The following DZIP1L variants were observed in gnomAD, a reference collection of about 807,000 sequenced individuals.
The protein encoded by DZIP1L is DAZ interacting zinc finger protein 1 like.
A neutral mutation model predicts 88.7 loss-of-function variants in DZIP1L; 90 were observed. The ratio of observed to expected loss-of-function variants is 1.02; its 90% CI spans 0.86 to 1.21. The LOEUF (loss-of-function observed/expected upper bound fraction) is 1.21. Among genes scored for constraint, DZIP1L ranks in the 50% most tolerant of loss-of-function variants. The probability of loss-of-function intolerance (pLI) is 0.00; values close to 1 mark genes in which losing one functional copy is unlikely to be tolerated. For synonymous variants in DZIP1L, 363 were observed against 372.1 expected (o/e 0.98, Z 0.28); for missense variants, 932 against 955.8 (o/e 0.98, Z 0.33).
intron 1 of DZIP1L, among the ~76,000 whole-genome samples, chr3:138,104,957 A>C (rs2107853614): frequency 6.6e-6 from 1 of 152,310 alleles, no homozygotes; most frequent in Non-Finnish European, 1.5e-5. Context: ...CTTGTGAAAA[A>C]ATTGTCATTG....
intron 2 of DZIP1L, chr3:138,101,537 T>A: frequency 2.5e-6 from 2 of 795,284 alleles, no homozygotes; most frequent in South Asian, 2.7e-5. Flanking sequence ...GTCTCTATCT[T>A]CTTCACAACC....
In DZIP1L at chr3:138,103,898, T is replaced by C. The variant is rs544148897; in HGVS notation, c.74A>G (p.Lys25Arg). 4 of 1,613,770 alleles carry C rather than the reference T, an allele frequency of 2.5e-6. No homozygotes were observed. The highest frequency in any genetic ancestry group is 2.2e-5 in the South Asian group (2 of 91,086). ...CATGCTATCATGGCGAGGCTGAAAC[T>C]TGAAGGTGGGGAACGTGTAGGCCCC... Reference protein sequence around the residue: ...LFGAYTFPTFKFQPRHDSMDW... With the variant: ...LFGAYTFPTFRFQPRHDSMDW... The change falls in exon 2 of 16, where the codon AAG becomes AGG. Residue 25 changes from lysine to arginine, a missense_variant. Physicochemically the swap from Lys to Arg is conservative, Grantham distance 26. Transcript: ENST00000327532.
At chr3:138,099,076 G>C (rs1022624805) in intron 2 of DZIP1L, among the ~76,000 whole-genome samples, 1 of 152,192 alleles carries the variant, frequency 6.6e-6, no homozygotes, top group African/African-American at 2.4e-5. Flanking sequence ...GGTTAAGGCT[G>C]TGGTGAGCCA....
intron 12 of DZIP1L, chr3:138,069,235 A>T (rs1408006611): frequency 1.9e-6 from 1 of 539,928 alleles, no homozygotes; most frequent in African/African-American, 1.9e-5. Context: ...AATAGTAAAC[A>T]TATTTGCTCT....
intron 11 of DZIP1L, among the ~76,000 whole-genome samples, chr3:138,074,181 G>C (rs1034863304): frequency 6.2e-4 from 94 of 152,230 alleles, no homozygotes; most frequent in African/African-American, 2.1e-3. Context: ...TAGAGACCTA[G>C]GCATCCAAAT....
intron 14 of DZIP1L, 55 bp from the exon 15 acceptor site, chr3:138,064,822 T>C: frequency 6.5e-7 from 1 of 1,529,920 alleles, no homozygotes; most frequent in Non-Finnish European, 8.8e-7. Flanking sequence ...AATGAACATC[T>C]CAGTTTTGTG....
intron 2 of DZIP1L, among the ~76,000 whole-genome samples, chr3:138,099,169 C>G (rs1559856013): frequency 6.6e-6 from 1 of 152,286 alleles, no homozygotes; most frequent in East Asian, 1.9e-4. Context: ...TTGTTCCTTC[C>G]TAGTTTCTGG....
chr3:138,084,292 A>C (rs551320953), intron 7 of DZIP1L, 39 bp from the exon 8 acceptor site: 2 of 1,603,296 alleles, frequency 1.2e-6, no homozygotes, highest in African/African-American at 2.7e-5. Context: ...AAATGTCTGC[A>C]GGGACATCTT....
chr3:138,086,575 G>T (rs1943949807), intron 7 of DZIP1L, among the ~76,000 whole-genome samples: 1 of 152,174 alleles, frequency 6.6e-6, no homozygotes, highest in Non-Finnish European at 1.5e-5. Flanking sequence ...GAGGCCCACA[G>T]CCGCCTGGTT....
chr3:138,114,789 C>A (rs2107876823), intron 1 of DZIP1L, among the ~76,000 whole-genome samples: 1 of 152,296 alleles, frequency 6.6e-6, no homozygotes, highest in South Asian at 2.1e-4. Context: ...CTGAGCAGGT[C>A]TTCGGTGGAC....
chr3:138,084,332 G>A, intron 7 of DZIP1L, 79 bp from the exon 8 acceptor site: 1 of 1,527,662 alleles, frequency 6.5e-7, no homozygotes, highest in Non-Finnish European at 8.8e-7. Flanking sequence ...CTCAGCACCT[G>A]TAGGCAAGTG....
rs146029706 is a variant in DZIP1L, at chr3:138,062,887, G to T, written c.2233C>A (p.Arg745Ser). The T allele has an allele frequency of 8.1e-6, 13 of 1,614,086 alleles. No individual in the cohort carries two copies. The highest frequency in any genetic ancestry group is 1.1e-5 in the Non-Finnish European group (13 of 1,180,054). The change falls in exon 16 of 16, where the codon CGC becomes AGC. Residue 745 changes from arginine to serine, a missense_variant. Coordinates refer to ENST00000327532, the MANE Select transcript of DZIP1L (RefSeq NM_173543.3). ...CCAAACTTCTCTGGGAGCTTTGAGC[G>T]AGACAAGGGCTTGGGTTTCTCTCTC... Reference protein sequence around the residue: ...DQREKPKPLSRSKLPEKFGTG... With the variant: ...DQREKPKPLSSSKLPEKFGTG...
intron 14 of DZIP1L, among the ~76,000 whole-genome samples, chr3:138,065,090 T>C (rs1212014530): frequency 6.6e-6 from 1 of 152,230 alleles, no homozygotes; most frequent in East Asian, 1.9e-4. Context: ...ACTGTATCAC[T>C]AACATGCAGT....
chr3:138,092,201 C>A (rs138264118), intron 5 of DZIP1L, among the ~76,000 whole-genome samples, 182 bp downstream of exon 5: 26 of 152,342 alleles, frequency 1.7e-4, no homozygotes, highest in African/African-American at 6.3e-4. Flanking sequence ...AATGTTGACA[C>A]AGCAGTGATT....
intron 13 of DZIP1L, 111 bp from the exon 14 acceptor site, chr3:138,067,811 T>G: frequency 7.9e-7 from 1 of 1,267,366 alleles, no homozygotes; most frequent in Non-Finnish European, 1.0e-6. Context: ...CCAGCCCTGC[T>G]CCCTCCCTCA....
At position 138,113,806 on chromosome 3, in the gene DZIP1L, G is replaced by A. The variant is rs367566472; in HGVS notation, c.-82+1522C>T. ...AAAGGTCCCCTCAACCGGGCACAGC[G>A]CTCTCCTTACACCTGGCCTCCTATT... On this transcript the variant is annotated intron_variant, in intron 1 of 15. Transcript: ENST00000327532. Among the ~76,000 whole-genome samples the A allele has an allele frequency of 1.1e-3, 163 of 152,222 alleles. 1 individual carries two copies. In the South Asian group the frequency reaches 0.026, roughly 24 times the overall value.
intron 6 of DZIP1L, among the ~76,000 whole-genome samples, chr3:138,087,320 A>T (rs1166073643): frequency 2.6e-5 from 4 of 152,232 alleles, no homozygotes. Context: ...TTAACACAAA[A>T]AATAAGGCCA....
chr3:138,095,714 G>T (rs568043035), intron 3 of DZIP1L, among the ~76,000 whole-genome samples: 5 of 151,992 alleles, frequency 3.3e-5, no homozygotes, highest in African/African-American at 1.2e-4. Flanking sequence ...CCCAGGAGGC[G>T]GAGGTTGCAG....
chr3:138,068,930 T>TA, intron 12 of DZIP1L: 1 of 1,250,384 alleles, frequency 8.0e-7, no homozygotes, highest in African/African-American at 1.5e-5. Flanking sequence ...AGCAAGTTTT[T>TA]ATGGGAAGAG....
Sources: gnomAD v4.1 joint callset for allele counts (sites outside exome capture counted in the v4.1 genomes callset) on GRCh38, gnomAD v4.1.1 for gene constraint, MANE v1.5 for transcripts, NCBI Gene and HGNC (gene_info 2026-07-23, HGNC 2026-07-21) for gene names.